GRB14: variants seen among roughly 807,000 people sequenced by gnomAD.
The protein encoded by GRB14 is growth factor receptor bound protein 14.
A neutral mutation model predicts 69.1 loss-of-function variants in GRB14; 38 were observed. The ratio of observed to expected loss-of-function variants is 0.55; its 90% CI spans 0.42 to 0.72. The LOEUF is 0.72. Among genes scored for constraint, GRB14 ranks in the 30% least tolerant of loss-of-function variants. The pLI, the probability that GRB14 is intolerant of heterozygous loss-of-function variation, is 0.00. For missense variants in GRB14, 666 were observed against 666.1 expected, an observed-to-expected ratio of 1.00 and a Z score of 0.00; for synonymous variants, 247 against 241.3, an observed-to-expected ratio of 1.02 and a Z score of -0.22.
chr2:164,592,512 A>C (rs1689690265), intron 2 of GRB14, among the ~76,000 whole-genome samples: 1 of 152,088 alleles, frequency 6.6e-6, no homozygotes. Context: ...ACCCTAAACA[A>C]GCCAGCTCTG....
intron 2 of GRB14, among the ~76,000 whole-genome samples, chr2:164,592,739 A>G (rs955635243): frequency 6.6e-6 from 1 of 152,270 alleles, no homozygotes; most frequent in Non-Finnish European, 1.5e-5. Context: ...TGTGCTCCAC[A>G]TAGAGTAAAG....
chr2:164,579,912 A>G (rs1689354216), intron 2 of GRB14, among the ~76,000 whole-genome samples: 1 of 152,104 alleles, frequency 6.6e-6, no homozygotes, highest in Admixed American at 6.6e-5. Context: ...TATAATTTTT[A>G]TAATTCCTTT....
intron 2 of GRB14, among the ~76,000 whole-genome samples, chr2:164,573,060 C>T (rs1689159589): frequency 6.6e-6 from 1 of 152,198 alleles, no homozygotes; most frequent in African/African-American, 2.4e-5. Context: ...AATCATATCA[C>T]TCCCTGTTTT....
chr2:164,521,165 G>A (rs535558351), intron 6 of GRB14, among the ~76,000 whole-genome samples: 1 of 151,982 alleles, frequency 6.6e-6, no homozygotes, highest in African/African-American at 2.4e-5. Context: ...CAGATAGATA[G>A]ACAGACAGAC....
At chr2:164,493,671 T>C (rs559625478) in intron 13 of GRB14, among the ~76,000 whole-genome samples, 1 of 152,320 alleles carries the variant, frequency 6.6e-6, no homozygotes, top group Non-Finnish European at 1.5e-5. Flanking sequence ...TGAAGTCTTC[T>C]GGTACTAAAC....
Position 164,497,469 on chromosome 2 carries a change from G to A in GRB14, c.1126C>T (p.Leu376=). Residue 376 remains leucine (L), a synonymous_variant, in exon 10 of 14, where the codon CTG becomes TTG. Coordinates refer to ENST00000263915, the MANE Select transcript of GRB14 (RefSeq NM_004490.3). ...SPMRSISENS[L]VAMDFSGQKS... ...TGGCCTGAGAAGTCCATTGCTACCA[G>A]GGAATTCTCTGATATACTTCTCTGG... 6.2e-7 allele frequency: 1 copy of A among 1,608,398 alleles called. No individual in the cohort carries two copies. The highest frequency in any genetic ancestry group is 8.5e-7 in the Non-Finnish European group (1 of 1,175,528).
At chr2:164,603,035 G>C (rs1351085913) in intron 2 of GRB14, among the ~76,000 whole-genome samples, 1 of 152,168 alleles carries the variant, frequency 6.6e-6, no homozygotes, top group East Asian at 1.9e-4. Context: ...CAGAGTATGA[G>C]ATGGAAAGGA....
At position 164,524,986 on chromosome 2, in the gene GRB14, A is replaced by T. The variant is rs200424018; in HGVS notation, c.678+18T>A. ...CATTATGCTATTATTTATATATGTT[A>T]ATAAAAATATATTTTACCTGCAAAA... On this transcript the variant is annotated intron_variant, in intron 5 of 13. Coordinates refer to ENST00000263915, the MANE Select transcript of GRB14 (RefSeq NM_004490.3). 2.5e-5 allele frequency: 35 copies of T among 1,408,864 alleles called. No homozygotes were observed. Among genetic ancestry groups the T allele is most frequent in the Non-Finnish European group, 3.3e-5 (34 of 1,018,382 alleles). 87.3% of individuals were successfully genotyped at this position (1,408,864 alleles called of 1,614,324 possible). A position where few individuals can be genotyped will look rare whatever the true frequency, so the allele number is the denominator to read the frequency against.
chr2:164,588,581 G>GTAAC (rs753275902), intron 2 of GRB14, among the ~76,000 whole-genome samples: 24 of 152,256 alleles, frequency 1.6e-4, no homozygotes, highest in Non-Finnish European at 2.9e-4. Context: ...TTTATGATGT[G>GTAAC]TAACTATGCA....
intron 2 of GRB14, among the ~76,000 whole-genome samples, chr2:164,596,870 T>C (rs188098730): frequency 2.8e-3 from 424 of 152,150 alleles, no homozygotes; most frequent in African/African-American, 9.8e-3. Flanking sequence ...TCTGTTTGAG[T>C]AAAGAACTAT....
chr2:164,572,603 T>C (rs573319049), intron 2 of GRB14, among the ~76,000 whole-genome samples: 32 of 152,360 alleles, frequency 2.1e-4, no homozygotes, highest in African/African-American at 7.7e-4. Flanking sequence ...CATCTCATTT[T>C]ACAGATTCAA....
Position 164,582,421 on chromosome 2 carries a change from A to T in GRB14, c.325-34605T>A, listed in dbSNP as rs1001425087. ...TCAGCTCTTATTTATTTATTTATTT[A>T]TTATTTTTTTTTTTTTTTGAGAAGG... On this transcript the variant is annotated intron_variant, in intron 2 of 13. Transcript: ENST00000263915. Among the ~76,000 whole-genome samples the T allele has an allele frequency of 1.3e-3, 112 of 89,250 alleles. No individual in the cohort carries two copies. In the Middle Eastern group the frequency reaches 0.016, roughly 13 times the overall value. The allele number at this position is 89,250 out of a possible 152,430, so 58.6% of individuals were successfully genotyped here. A position where few individuals can be genotyped will look rare whatever the true frequency, so the allele number is the denominator to read the frequency against.
intron 2 of GRB14, among the ~76,000 whole-genome samples, chr2:164,564,821 A>G (rs1297284546): frequency 1.3e-5 from 2 of 152,224 alleles, no homozygotes; most frequent in East Asian, 3.9e-4. Context: ...GGAGACCATC[A>G]TGGCTAACAT....
Position 164,525,081 on chromosome 2 carries a change from G to A in GRB14, c.604-3C>T, listed in dbSNP as rs202013094. ...ACCATATGCTCTGGAAAAAAATACT[G>A]TCAAAAAGACACAGTTAAATTATCA... On this transcript the variant is annotated splice_polypyrimidine_tract_variant and splice_region_variant and intron_variant, in intron 4 of 13. Transcript: ENST00000263915. 110 of 1,544,868 alleles carry A rather than the reference G, an allele frequency of 7.1e-5. No homozygotes were observed. Among genetic ancestry groups the A allele is most frequent in the Admixed American group, 1.9e-4 (11 of 56,764 alleles).
intron 9 of GRB14, among the ~76,000 whole-genome samples, chr2:164,499,470 A>G (rs558172880): frequency 6.6e-6 from 1 of 152,304 alleles, no homozygotes; most frequent in South Asian, 2.1e-4. Context: ...GCAGAGTCTG[A>G]CAAACTCAAA....
intron 2 of GRB14, among the ~76,000 whole-genome samples, chr2:164,579,849 G>A (rs1183974884): frequency 1.3e-5 from 2 of 152,084 alleles, no homozygotes; most frequent in Non-Finnish European, 2.9e-5. Flanking sequence ...AGGAAAACAA[G>A]AGAACAGAGG....
chr2:164,621,137 CG>C lies in GRB14; in HGVS notation c.172del (p.Arg58AlafsTer52). The C allele has an allele frequency of 8.0e-7, 1 of 1,246,112 alleles. No individual in the cohort carries two copies. Among genetic ancestry groups the C allele is most frequent in the Non-Finnish European group, 1.0e-6 (1 of 988,372 alleles). The allele number at this position is 1,246,112 out of a possible 1,614,324, so 77.2% of individuals were successfully genotyped here. A position where few individuals can be genotyped will look rare whatever the true frequency, so the allele number is the denominator to read the frequency against. On this transcript the variant is annotated frameshift_variant, in exon 1 of 14. Transcript: ENST00000263915. LOFTEE classifies it high-confidence loss of function. The surrounding 1 kb of genome is among the most constrained non-coding windows in gnomAD (Gnocchi z 6.0). ...TGCCTACCTGTCTGCAGCACAGCCG[CG>C]GGTCCCGTCCGGAAGGGGCAGGAGC... ...RALLPLPDGT[R>X]GCAADRRKKK... is the part of the protein sequence containing the mutation.
intron 6 of GRB14, among the ~76,000 whole-genome samples, chr2:164,517,744 G>A (rs1323068073): frequency 6.6e-6 from 1 of 151,968 alleles, no homozygotes; most frequent in Admixed American, 6.6e-5. Context: ...AGACTTTAAA[G>A]CAACAGCAGT....
At position 164,592,872 on chromosome 2, in the gene GRB14, C is replaced by T. The variant is rs137881521; in HGVS notation, c.324+26815G>A. ...TAATATTGCTCTGCTTTTCTCAAAG[C>T]ATTTCAACTCTGCCTCCATGCCCTT... On this transcript the variant is annotated intron_variant, in intron 2 of 13. Transcript: ENST00000263915. 4.2e-4 allele frequency among the ~76,000 whole-genome samples: 64 copies of T among 152,306 alleles called. No homozygotes were observed. In the East Asian group the frequency reaches 7.9e-3, roughly 19 times the overall value.
Sources: gnomAD v4.1 joint callset for allele counts (sites outside exome capture counted in the v4.1 genomes callset) on GRCh38, gnomAD v4.1.1 for gene constraint, Gnocchi (gnomAD v3.1) non-coding constraint, MANE v1.5 for transcripts, NCBI Gene and HGNC (gene_info 2026-07-23, HGNC 2026-07-21) for gene names.